The following GRM7 variants were observed in gnomAD, a reference collection of about 807,000 sequenced individuals.
GRM7 encodes the protein metabotropic glutamate receptor 7.
A neutral mutation model predicts 84.5 loss-of-function variants in GRM7; 35 were observed. The observed-to-expected ratio is 0.41, with a 90% CI of 0.32 to 0.55. The LOEUF is 0.55. Ranked by LOEUF, GRM7 falls within the 20% of genes least tolerant of loss-of-function variation. GRM7 has a pLI of 0.19. For missense variants in GRM7, 1,003 were observed against 1,194.6 expected, an observed-to-expected ratio of 0.84 and a Z score of 2.36; for synonymous variants, 487 against 455.1, an observed-to-expected ratio of 1.07 and a Z score of -0.89.
chr3:6,996,076 T>G (rs1694818761), intron 1 of GRM7, among the ~76,000 whole-genome samples: 1 of 151,756 alleles, frequency 6.6e-6, no homozygotes, highest in Non-Finnish European at 1.5e-5. Context: ...TGAGACAAAG[T>G]CTTGCTCTGT....
chr3:7,503,435 T>C (rs79085887), intron 7 of GRM7, among the ~76,000 whole-genome samples: 1 of 152,042 alleles, frequency 6.6e-6, no homozygotes, highest in Admixed American at 6.6e-5. Context: ...GTCCTCCTTA[T>C]GTATCACATC....
intron 1 of GRM7, among the ~76,000 whole-genome samples, chr3:7,092,035 A>C (rs1455521033): frequency 2.0e-5 from 3 of 151,866 alleles, no homozygotes; most frequent in Non-Finnish European, 4.4e-5. Context: ...TTGAGATGGA[A>C]TCTCACTCTG....
chr3:7,228,655 A>G (rs1575057295), intron 2 of GRM7, among the ~76,000 whole-genome samples: 2 of 152,340 alleles, frequency 1.3e-5, no homozygotes, highest in Middle Eastern at 3.4e-3. Flanking sequence ...TACTAACAAT[A>G]AAAGTCTCTT....
At chr3:7,375,073 C>T (rs11131071) in intron 4 of GRM7, among the ~76,000 whole-genome samples, 56,407 of 151,928 alleles carry the variant, frequency 0.37, 10,969 homozygotes, top group East Asian at 0.57. Flanking sequence ...CTTGCCTTCA[C>T]TCTTCTCAAA....
chr3:7,594,746 C>A (rs559446011), intron 8 of GRM7, among the ~76,000 whole-genome samples: 1 of 152,248 alleles, frequency 6.6e-6, no homozygotes, highest in Middle Eastern at 3.4e-3. Context: ...TGACCACCAT[C>A]TGGGCCTCTG....
chr3:7,594,286 G>A (rs9834586), intron 8 of GRM7, among the ~76,000 whole-genome samples: 152,239 of 152,240 alleles, frequency 1, 76,119 homozygotes, highest in Middle Eastern at 1. Context: ...ATGAATCATA[G>A]CCAAAATGTA....
intron 1 of GRM7, among the ~76,000 whole-genome samples, chr3:7,105,803 G>A (rs1017166993): frequency 6.6e-6 from 1 of 151,520 alleles, no homozygotes; most frequent in African/African-American, 2.4e-5. Context: ...TTCTATATAT[G>A]GTATTTGAGA....
chr3:7,495,983 T>C (rs1359159526), intron 7 of GRM7, among the ~76,000 whole-genome samples: 1 of 152,214 alleles, frequency 6.6e-6, no homozygotes, highest in African/African-American at 2.4e-5. Context: ...AGAGAGAAAG[T>C]ATAAAACATA....
At chr3:7,253,395 A>C (rs190072139) in intron 2 of GRM7, among the ~76,000 whole-genome samples, 21 of 152,138 alleles carry the variant, frequency 1.4e-4, no homozygotes, top group African/African-American at 3.6e-4. Flanking sequence ...TGGGCAGATC[A>C]TCTGTGGTCA....
At chr3:7,288,592 G>A (rs1317183113) in intron 2 of GRM7, among the ~76,000 whole-genome samples, 3 of 152,068 alleles carry the variant, frequency 2.0e-5, no homozygotes, top group African/African-American at 4.8e-5. Flanking sequence ...CTGGCATTAC[G>A]TGGCAGTGTT....
chr3:6,905,143 T>A (rs1262711957), intron 1 of GRM7, among the ~76,000 whole-genome samples: 1 of 152,180 alleles, frequency 6.6e-6, no homozygotes, highest in African/African-American at 2.4e-5. Context: ...TTTCACGCTG[T>A]CCTTAAAAAA....
chr3:7,257,027 G>T (rs1375293413), intron 2 of GRM7, among the ~76,000 whole-genome samples: 1 of 152,154 alleles, frequency 6.6e-6, no homozygotes, highest in African/African-American at 2.4e-5. Flanking sequence ...AGTGAAAGTG[G>T]GGGTTATATA....
intron 2 of GRM7, among the ~76,000 whole-genome samples, chr3:7,157,714 ATT>A (rs57023783): frequency 0.013 from 1,883 of 146,780 alleles, 26 homozygotes; most frequent in African/African-American, 0.04. Flanking sequence ...ATGCTATTTC[ATT>A]TTTTTTTTTT....
At chr3:7,638,008 T>C (rs1698180694) in intron 8 of GRM7, among the ~76,000 whole-genome samples, 1 of 152,150 alleles carries the variant, frequency 6.6e-6, no homozygotes, top group African/African-American at 2.4e-5. Context: ...GTTCTATAAT[T>C]TCTATAATTT....
intron 1 of GRM7, among the ~76,000 whole-genome samples, chr3:7,030,430 A>G (rs1471186374): frequency 6.6e-6 from 1 of 152,238 alleles, no homozygotes; most frequent in African/African-American, 2.4e-5. Flanking sequence ...AGATACACAC[A>G]TAAATCAAAA....
chr3:6,984,717 G>T (rs895236429), intron 1 of GRM7, among the ~76,000 whole-genome samples: 1 of 151,986 alleles, frequency 6.6e-6, no homozygotes. Flanking sequence ...GAGGGGAATT[G>T]GCTGACCATC....
At chr3:6,943,487 A>C (rs60354050) in intron 1 of GRM7, among the ~76,000 whole-genome samples, 16,022 of 152,098 alleles carry the variant, frequency 0.11, 892 homozygotes, top group African/African-American at 0.14. Flanking sequence ...TGCCAAAAAA[A>C]TAAAATCTGT....
At chr3:7,539,612 T>G (rs981678047) in intron 7 of GRM7, among the ~76,000 whole-genome samples, 3 of 142,010 alleles carry the variant, frequency 2.1e-5, no homozygotes, top group Admixed American at 7.3e-5. Context: ...GAGGTGGAGG[T>G]TGCAGTGAGT....
At chr3:7,356,789 T>G (rs1693425234) in intron 4 of GRM7, among the ~76,000 whole-genome samples, 3 of 152,018 alleles carry the variant, frequency 2.0e-5, no homozygotes, top group Admixed American at 1.3e-4. Context: ...GAGGCTCTAT[T>G]GTCAGCTTTC....
Sources: allele counts gnomAD v4.1 joint callset (sites outside exome capture counted in the v4.1 genomes callset), GRCh38; gene constraint gnomAD v4.1.1; transcripts MANE v1.5; gene names NCBI Gene and HGNC (gene_info 2026-07-23, HGNC 2026-07-21).